The following SEMA5A variants were observed in gnomAD, a reference collection of about 807,000 sequenced individuals.
The protein encoded by SEMA5A is semaphorin-5A.
A neutral mutation model predicts 135.5 loss-of-function variants in SEMA5A; 55 were observed. The observed-to-expected ratio is 0.41, with a 90% CI of 0.33 to 0.51. The LOEUF is 0.51. Ranked by LOEUF, SEMA5A falls within the 20% of genes least tolerant of loss-of-function variation. The pLI is 0.37. For synonymous variants in SEMA5A, 580 were observed against 546.5 expected (o/e 1.06, Z -0.85); for missense variants, 1,290 against 1,419.9 (o/e 0.91, Z 1.47).
intron 14 of SEMA5A, among the ~76,000 whole-genome samples, chr5:9,120,809 T>C (rs1479589499): frequency 6.7e-6 from 1 of 150,120 alleles, no homozygotes; most frequent in African/African-American, 2.5e-5. Context: ...AGACAGAGTC[T>C]CGCTCTGTCG....
chr5:9,185,295 A>G (rs1237693412), intron 11 of SEMA5A, among the ~76,000 whole-genome samples: 2 of 152,200 alleles, frequency 1.3e-5, no homozygotes, highest in African/African-American at 2.4e-5. Flanking sequence ...AGGGGAAGAG[A>G]AGGAAACAGA....
intron 16 of SEMA5A, among the ~76,000 whole-genome samples, chr5:9,088,637 A>ATATATATATATATATATATATATATAT (rs1738846706): frequency 2.5e-4 from 27 of 107,988 alleles, no homozygotes; most frequent in African/African-American, 8.1e-4. Flanking sequence ...CTACATTTAT[A>ATATATATATATATATATATATATATAT]ATATATATAT....
At chr5:9,093,589 C>T (rs182309845) in intron 16 of SEMA5A, among the ~76,000 whole-genome samples, 6 of 152,216 alleles carry the variant, frequency 3.9e-5, no homozygotes, top group African/African-American at 1.4e-4. Flanking sequence ...CGCCTGTAGT[C>T]CCATCTACTC....
intron 8 of SEMA5A, among the ~76,000 whole-genome samples, chr5:9,216,696 A>T (rs1203159728): frequency 6.6e-6 from 1 of 152,194 alleles, no homozygotes; most frequent in East Asian, 1.9e-4. Context: ...TAGGATAGTT[A>T]TGTCATCTTG....
At chr5:9,471,286 C>G (rs1268211561) in intron 1 of SEMA5A, among the ~76,000 whole-genome samples, 1 of 152,130 alleles carries the variant, frequency 6.6e-6, no homozygotes, top group South Asian at 2.1e-4. Context: ...CCTACAGGAC[C>G]CTTCTTGGGA....
intron 11 of SEMA5A, among the ~76,000 whole-genome samples, chr5:9,184,239 AT>A (rs1235354612): frequency 7.7e-6 from 1 of 129,150 alleles, no homozygotes; most frequent in African/African-American, 2.7e-5. Context: ...AGACCATGTG[AT>A]TTTTTTTCAT....
Position 9,154,560 on chromosome 5 carries a change from A to G in SEMA5A, c.1409T>C (p.Val470Ala). ...RSLQILHSQS[V>A]LFVGLREHVV... ...GTGCTCCCGCAGGCCCACGAACAGG[A>G]CACTCTGGCTGTGCAGGATCTGCAG... Residue 470 changes from valine (V) to alanine (A), a missense_variant, in exon 12 of 23, where the codon GTC becomes GCC. This residue lies in a region of SEMA5A where 1,029 missense variants were observed against 1,086.6 expected (regional missense o/e 0.95). Coordinates refer to ENST00000382496, the MANE Select transcript of SEMA5A (RefSeq NM_003966.3). 1 of 1,613,372 alleles carries G rather than the reference A, an allele frequency of 6.2e-7. No individual in the cohort carries two copies. Among genetic ancestry groups the G allele is most frequent in the African/African-American group, 1.3e-5 (1 of 75,032 alleles).
At chr5:9,363,588 A>G (rs775660986) in intron 3 of SEMA5A, among the ~76,000 whole-genome samples, 2 of 152,256 alleles carry the variant, frequency 1.3e-5, no homozygotes, top group African/African-American at 2.4e-5. Context: ...GCATTGCAGC[A>G]TAATAGAATT....
chr5:9,052,723 G>T (rs1727218522), intron 19 of SEMA5A, among the ~76,000 whole-genome samples: 1 of 151,852 alleles, frequency 6.6e-6, no homozygotes, highest in African/African-American at 2.4e-5. Context: ...TCCCGAAGTG[G>T]AAGATTTACT....
chr5:9,113,673 C>T (rs1740362690), intron 15 of SEMA5A, among the ~76,000 whole-genome samples: 1 of 152,162 alleles, frequency 6.6e-6, no homozygotes, highest in Admixed American at 6.5e-5. Context: ...ATAAGATACA[C>T]TAATGTCCAC....
At position 9,037,931 on chromosome 5, in the gene SEMA5A, G is replaced by A. The variant is rs16881875; in HGVS notation, c.*4966C>T. 15,733 of 152,118 alleles carry A rather than the reference G, an allele frequency of 0.1. 987 individuals are homozygous for A. Among genetic ancestry groups the A allele is most frequent in the African/African-American group, 0.16 (6,558 of 41,480 alleles). 9.4% of individuals were successfully genotyped at this position (152,118 alleles called of 1,614,324 possible). On this transcript the variant is annotated 3_prime_UTR_variant, in exon 23 of 23. Coordinates refer to ENST00000382496, the MANE Select transcript of SEMA5A (RefSeq NM_003966.3). ...TTGTGCATGGCATTCCCTTTTATGC[G>A]TTTCTTAGGTCAAAGTGAACATTTC...
intron 2 of SEMA5A, among the ~76,000 whole-genome samples, chr5:9,381,942 TTGTGTGTGTGTG>T (rs148157627): frequency 3.7e-5 from 4 of 109,304 alleles, no homozygotes; most frequent in African/African-American, 7.1e-5. Context: ...TAGAATCATT[TTGTGTGTGTGTG>T]TGTGTGTGTG....
chr5:9,083,479 G>A lies in SEMA5A; in HGVS notation c.2074-16833C>T, dbSNP rs536860024. Among the ~76,000 whole-genome samples the A allele has an allele frequency of 5.3e-5, 8 of 152,138 alleles. No homozygotes were observed. In the East Asian group the frequency reaches 9.7e-4, roughly 18 times the overall value. On this transcript the variant is annotated intron_variant, in intron 16 of 22. Coordinates refer to ENST00000382496, the MANE Select transcript of SEMA5A (RefSeq NM_003966.3). ...GACCTAAGTACCATAATTTAAACACGTACATGTTTGAAACTAAAAGTCAAT... is the reference window on the plus strand; with the variant it reads ...GACCTAAGTACCATAATTTAAACACATACATGTTTGAAACTAAAAGTCAAT...
intron 1 of SEMA5A, among the ~76,000 whole-genome samples, chr5:9,534,837 C>T (rs1156452505): frequency 6.6e-6 from 1 of 152,184 alleles, no homozygotes; most frequent in Admixed American, 6.5e-5. Context: ...ACATTGATTT[C>T]CTTCAGCCTA....
At chr5:9,483,745 A>G (rs557695385) in intron 1 of SEMA5A, among the ~76,000 whole-genome samples, 1 of 152,376 alleles carries the variant, frequency 6.6e-6, no homozygotes, top group East Asian at 1.9e-4. Flanking sequence ...ATACAGAAGA[A>G]AAAAGTAATT....
intron 5 of SEMA5A, among the ~76,000 whole-genome samples, chr5:9,295,089 G>T (rs187266192): frequency 5.3e-5 from 8 of 152,284 alleles, no homozygotes; most frequent in African/African-American, 1.9e-4. Context: ...CATAGCCCCT[G>T]TCAGGGTCCA....
chr5:9,250,403 A>T (rs1280807844), intron 5 of SEMA5A, among the ~76,000 whole-genome samples: 10 of 152,154 alleles, frequency 6.6e-5, no homozygotes. Flanking sequence ...TTCCACCCCC[A>T]TAAGTAACTT....
Position 9,545,331 on chromosome 5 carries a change from C to T in SEMA5A, c.-175+253G>A, listed in dbSNP as rs896964884. ...GGCTCCTTACCTCTCCATGCTCAGA[C>T]CTCGGCACAGGCGGGTACACAAACT... On this transcript the variant is annotated intron_variant, in intron 1 of 22. Transcript: ENST00000382496. The surrounding 1 kb of genome is among the most constrained non-coding windows in gnomAD (Gnocchi z 4.5). Among the ~76,000 whole-genome samples the T allele has an allele frequency of 1.3e-5, 2 of 152,168 alleles. No homozygotes were observed. Among genetic ancestry groups the T allele is most frequent in the Admixed American group, 1.3e-4 (2 of 15,288 alleles).
intron 1 of SEMA5A, among the ~76,000 whole-genome samples, chr5:9,497,564 T>C (rs114387295): frequency 3.3e-4 from 51 of 152,286 alleles, no homozygotes; most frequent in Non-Finnish European, 5.7e-4. Flanking sequence ...ATAAAGACTG[T>C]GTTTGCAAAT....
Sources: allele counts gnomAD v4.1 joint callset (sites outside exome capture counted in the v4.1 genomes callset), GRCh38; gene constraint gnomAD v4.1.1; regional missense constraint gnomAD v4.1.1; non-coding constraint Gnocchi (gnomAD v3.1); transcripts MANE v1.5; gene names NCBI Gene and HGNC (gene_info 2026-07-23, HGNC 2026-07-21).